The following RSPH14 variants were observed in gnomAD, a reference collection of about 807,000 sequenced individuals.
RSPH14 encodes the protein radial spoke head 14 homolog.
A neutral mutation model predicts 26.7 loss-of-function variants in RSPH14; 20 were observed. That is an observed-to-expected ratio of 0.75 (90% CI 0.53 to 1.09). The LOEUF is 1.09. Among genes scored for constraint, RSPH14 ranks in the 50% least tolerant of loss-of-function variants. The probability of loss-of-function intolerance (pLI) is 0.00; values close to 1 mark genes in which losing one functional copy is unlikely to be tolerated. For synonymous variants in RSPH14, 177 were observed against 189.3 expected (o/e 0.93, Z 0.53); for missense variants, 449 against 457.2 (o/e 0.98, Z 0.16).
chr22:23,115,903 C>T (rs2069817317), intron 4 of RSPH14, among the ~76,000 whole-genome samples: 2 of 152,256 alleles, frequency 1.3e-5, no homozygotes, highest in African/African-American at 4.8e-5. Flanking sequence ...ATAATCACCA[C>T]CCTGATCCCC....
chr22:23,078,377 C>T (rs998658905), intron 4 of RSPH14, among the ~76,000 whole-genome samples: 1 of 152,228 alleles, frequency 6.6e-6, no homozygotes, highest in African/African-American at 2.4e-5. Context: ...ACAGCCATGC[C>T]CAGCCTTGCC....
intron 6 of RSPH14, among the ~76,000 whole-genome samples, chr22:23,060,722 C>G (rs1009794979): frequency 1.3e-5 from 2 of 152,134 alleles, no homozygotes; most frequent in Admixed American, 6.5e-5. Flanking sequence ...TTCCCAGAGG[C>G]GACTTGTCCC....
At chr22:23,069,416 G>C (rs939730677) in intron 4 of RSPH14, among the ~76,000 whole-genome samples, 1 of 152,226 alleles carries the variant, frequency 6.6e-6, no homozygotes, top group African/African-American at 2.4e-5. Flanking sequence ...TCTGGCTTGA[G>C]AGTCTTTTAA....
At chr22:23,143,175 T>C (rs528835912), upstream of RSPH14, among the ~76,000 whole-genome samples, 16 of 152,050 alleles carry the variant, frequency 1.1e-4, no homozygotes, top group African/African-American at 3.9e-4. Flanking sequence ...CCTGTAATCC[T>C]AGCACTTTGG....
chr22:23,156,236 A>G, the RSPH14 span: 1 of 530,062 alleles, frequency 1.9e-6, no homozygotes, highest in Non-Finnish European at 3.5e-6. Flanking sequence ...CACACCCTTT[A>G]AGGACCCTGT....
At chr22:23,069,029 A>G (rs1481802986) in intron 4 of RSPH14, among the ~76,000 whole-genome samples, 1 of 152,252 alleles carries the variant, frequency 6.6e-6, no homozygotes, top group Non-Finnish European at 1.5e-5. Flanking sequence ...CAGTTGAGGC[A>G]GCACCCTCAC....
At chr22:23,153,585 G>T in the RSPH14 span, 1 of 985,200 alleles carries the variant, frequency 1.0e-6, no homozygotes, top group Non-Finnish European at 1.2e-6. Context: ...GGGCTGAGAT[G>T]GAGTACACAG....
the RSPH14 span, chr22:23,155,984 C>T: frequency 6.2e-7 from 1 of 1,612,348 alleles, no homozygotes; most frequent in Admixed American, 1.7e-5. Flanking sequence ...CACAGCTGGG[C>T]AGGAGAAGTT....
intron 4 of RSPH14, chr22:23,123,413 G>A: frequency 3.7e-6 from 6 of 1,612,710 alleles, no homozygotes; most frequent in Non-Finnish European, 5.1e-6. Flanking sequence ...ACAATCTCAA[G>A]TACATTGGCC....
intron 4 of RSPH14, among the ~76,000 whole-genome samples, chr22:23,119,073 G>A (rs957075952): frequency 1.3e-5 from 2 of 152,250 alleles, no homozygotes; most frequent in Non-Finnish European, 2.9e-5. Flanking sequence ...CCATATGCAT[G>A]CTTGAGTCAC....
intron 3 of RSPH14, 24 bp from the exon 4 acceptor site, chr22:23,134,168 G>A (rs2070418133): frequency 6.4e-7 from 1 of 1,554,656 alleles, no homozygotes; most frequent in Non-Finnish European, 8.8e-7. Context: ...GGTGGACAGT[G>A]ACATAAGTGA....
At chr22:23,075,717 A>G (rs140689494) in intron 4 of RSPH14, among the ~76,000 whole-genome samples, 1,789 of 151,872 alleles carry the variant, frequency 0.012, 15 homozygotes, top group Non-Finnish European at 0.019. Flanking sequence ...CCAGAAACAC[A>G]CCCCGTCCCC....
At chr22:23,060,511 C>T (rs1032455062) in intron 6 of RSPH14, among the ~76,000 whole-genome samples, 1 of 152,024 alleles carries the variant, frequency 6.6e-6, no homozygotes, top group Non-Finnish European at 1.5e-5. Flanking sequence ...ATATATGTTG[C>T]CAATATTTCT....
At chr22:23,116,312 C>A (rs898609629) in intron 4 of RSPH14, among the ~76,000 whole-genome samples, 5 of 152,220 alleles carry the variant, frequency 3.3e-5, no homozygotes, top group African/African-American at 1.2e-4. Context: ...GAAAAAGACA[C>A]CTGGGTCATG....
the RSPH14 span, among the ~76,000 whole-genome samples, chr22:23,150,824 T>G: frequency 2.0e-5 from 3 of 152,252 alleles, no homozygotes; most frequent in East Asian, 5.8e-4. Context: ...CCCACTACCC[T>G]TGCCCCTGGA....
At chr22:23,127,593 G>C (rs2070217366) in intron 4 of RSPH14, among the ~76,000 whole-genome samples, 1 of 152,292 alleles carries the variant, frequency 6.6e-6, no homozygotes, top group Admixed American at 6.5e-5. Context: ...AGGGTGCAGT[G>C]GTGGCCCACC....
the RSPH14 span, among the ~76,000 whole-genome samples, chr22:23,165,146 T>C: frequency 1.3e-5 from 2 of 152,052 alleles, no homozygotes; most frequent in African/African-American, 4.8e-5. Context: ...CTCTACTGTC[T>C]CCCCTAGCAC....
Position 23,140,261 on chromosome 22 carries a change from T to C in RSPH14, c.160A>G (p.Met54Val). 6.2e-7 allele frequency: 1 copy of C among 1,614,074 alleles called. No individual in the cohort carries two copies. ...QKALMALCDL[M>V]HDPECIYKAM... ...TTGTAGATACACTCGGGGTCATGCA[T>C]GAGGTCACACAAGGCCATGAGGGCT... is the stretch of plus-strand genomic sequence containing the variant. The change falls in exon 2 of 7, where the codon ATG (methionine) becomes GTG (valine). Residue 54 changes from methionine (M) to valine (V), a missense_variant. Transcript: ENST00000216036.
chr22:23,077,961 T>TCTG (rs1202817116), intron 4 of RSPH14, among the ~76,000 whole-genome samples: 1 of 152,186 alleles, frequency 6.6e-6, no homozygotes, highest in Non-Finnish European at 1.5e-5. Context: ...GGCTTGGCCC[T>TCTG]CATGCCTCCT....
Sources: gnomAD v4.1 joint callset for allele counts (sites outside exome capture counted in the v4.1 genomes callset) on GRCh38, gnomAD v4.1.1 for gene constraint, MANE v1.5 for transcripts, NCBI Gene and HGNC (gene_info 2026-07-23, HGNC 2026-07-21) for gene names.